The following CSMD1 variants were observed in gnomAD, a reference collection of about 807,000 sequenced individuals.
The protein encoded by CSMD1 is CUB and sushi domain-containing protein 1.
CSMD1 carries 213 observed loss-of-function variants against 417.5 expected under a neutral mutation model. The ratio of observed to expected loss-of-function variants is 0.51; its 90% CI spans 0.46 to 0.57. CSMD1 has a LOEUF of 0.57. Among genes scored for constraint, CSMD1 ranks in the 20% least tolerant of loss-of-function variants. The probability of loss-of-function intolerance (pLI) is 0.00; values close to 1 mark genes in which losing one functional copy is unlikely to be tolerated. For synonymous variants in CSMD1, 2,862 were observed against 1,736.8 expected (o/e 1.65, Z -16.11); for missense variants, 6,923 against 4,529.7 (o/e 1.53, Z -15.17).
intron 20 of CSMD1, among the ~76,000 whole-genome samples, chr8:3,359,732 G>C (rs185776253): frequency 3.8e-4 from 58 of 152,180 alleles, no homozygotes; most frequent in African/African-American, 1.1e-3. Context: ...TTTCAAAATA[G>C]CTCAAAGGCA....
At chr8:4,823,756 T>TGTG (rs1037850317) in intron 1 of CSMD1, among the ~76,000 whole-genome samples, 9 of 151,948 alleles carry the variant, frequency 5.9e-5, no homozygotes, top group African/African-American at 2.2e-4. Context: ...ACTTAGCCAG[T>TGTG]GTGGTGGTGG....
chr8:4,726,503 T>G (rs1255668023), intron 1 of CSMD1, among the ~76,000 whole-genome samples: 4 of 152,142 alleles, frequency 2.6e-5, no homozygotes, highest in Non-Finnish European at 5.9e-5. Context: ...AAATAAGACC[T>G]CAATGGACAG....
chr8:4,984,802 C>T (rs556775950), intron 1 of CSMD1, among the ~76,000 whole-genome samples: 73 of 152,306 alleles, frequency 4.8e-4, no homozygotes, highest in African/African-American at 1.7e-3. Flanking sequence ...GAAACCCATA[C>T]TTAGTGTCCT....
At chr8:2,966,267 G>A (rs1483221997) in intron 58 of CSMD1, among the ~76,000 whole-genome samples, 1 of 152,124 alleles carries the variant, frequency 6.6e-6, no homozygotes, top group East Asian at 1.9e-4. Context: ...GAGAACCAAA[G>A]ACATTTCTTC....
intron 30 of CSMD1, among the ~76,000 whole-genome samples, chr8:3,208,127 A>G (rs983732674): frequency 6.6e-6 from 1 of 152,236 alleles, no homozygotes; most frequent in Non-Finnish European, 1.5e-5. Flanking sequence ...GCTCAGTCAC[A>G]TACAATTCAA....
intron 6 of CSMD1, among the ~76,000 whole-genome samples, chr8:3,742,765 G>A (rs1249438564): frequency 2.0e-5 from 3 of 151,880 alleles, no homozygotes; most frequent in African/African-American, 4.8e-5. Flanking sequence ...AAAACGAAAC[G>A]AAACAAAAAC....
intron 3 of CSMD1, among the ~76,000 whole-genome samples, chr8:4,373,850 A>G (rs533012648): frequency 2.6e-5 from 4 of 152,300 alleles, no homozygotes; most frequent in South Asian, 2.1e-4. Flanking sequence ...TTTTCTATGT[A>G]TATGTATAAT....
At chr8:3,088,839 C>G (rs1175963856) in intron 48 of CSMD1, among the ~76,000 whole-genome samples, 1 of 78,948 alleles carries the variant, frequency 1.3e-5, no homozygotes, top group African/African-American at 5.9e-5. Flanking sequence ...AATCACTGTG[C>G]TAGTAAAAAA....
chr8:4,531,385 T>C (rs530178883), intron 2 of CSMD1, among the ~76,000 whole-genome samples: 1 of 152,312 alleles, frequency 6.6e-6, no homozygotes, highest in Admixed American at 6.5e-5. Flanking sequence ...GGAAAAAGTC[T>C]TGAAGTCAGA....
At chr8:4,965,348 T>C (rs1250012427) in intron 1 of CSMD1, among the ~76,000 whole-genome samples, 1 of 152,224 alleles carries the variant, frequency 6.6e-6, no homozygotes, top group Non-Finnish European at 1.5e-5. Context: ...GTCAAACCTG[T>C]TTATTTAAAG....
chr8:3,758,647 C>T (rs528466471), intron 5 of CSMD1, among the ~76,000 whole-genome samples: 9 of 152,262 alleles, frequency 5.9e-5, no homozygotes, highest in African/African-American at 2.2e-4. Context: ...TCTCTAACAA[C>T]TTGGTGTTTC....
At chr8:4,055,804 A>T (rs1798660396) in intron 3 of CSMD1, among the ~76,000 whole-genome samples, 1 of 152,090 alleles carries the variant, frequency 6.6e-6, no homozygotes, top group East Asian at 1.9e-4. Flanking sequence ...CAAATGACTA[A>T]CACTGAAGCA....
intron 3 of CSMD1, among the ~76,000 whole-genome samples, chr8:4,065,774 C>T (rs1799214254): frequency 6.6e-6 from 1 of 152,172 alleles, no homozygotes; most frequent in African/African-American, 2.4e-5. Flanking sequence ...TGGGGAACTA[C>T]AGCAAATAAG....
At chr8:4,389,489 G>A (rs140045276) in intron 3 of CSMD1, among the ~76,000 whole-genome samples, 32 of 151,958 alleles carry the variant, frequency 2.1e-4, no homozygotes, top group African/African-American at 7.2e-4. Context: ...TCTCAGAAAT[G>A]TAAAAGAAAA....
At chr8:4,172,481 T>C (rs558079216) in intron 3 of CSMD1, among the ~76,000 whole-genome samples, 1 of 152,002 alleles carries the variant, frequency 6.6e-6, no homozygotes, top group East Asian at 1.9e-4. Flanking sequence ...CTTATTCACA[T>C]GACAATTAAA....
intron 3 of CSMD1, among the ~76,000 whole-genome samples, chr8:4,053,335 C>T (rs1427547397): frequency 1.3e-5 from 2 of 152,066 alleles, no homozygotes; most frequent in African/African-American, 2.4e-5. Flanking sequence ...TCAGACTGAC[C>T]TTTAGTTAGT....
At chr8:3,284,107 A>C (rs767623728) in intron 26 of CSMD1, 37 bp downstream of exon 26, 5 of 1,458,560 alleles carry the variant, frequency 3.4e-6, no homozygotes, top group Non-Finnish European at 4.7e-6. Context: ...CAAGACTTTG[A>C]TATCAAGGTA....
rs4341189 is a variant in CSMD1 at position 4,165,174 on chromosome 8, G to T, written c.416-133075C>A. ...CTCCACTGCTTAATATGATACCTAC[G>T]CCTAGCCAGTAACTATCAGCAACCC... is the stretch of plus-strand genomic sequence containing the variant. On this transcript the variant is annotated intron_variant, in intron 3 of 69. Coordinates refer to ENST00000635120, the MANE Select transcript of CSMD1 (RefSeq NM_033225.6). Among the ~76,000 whole-genome samples the T allele has an allele frequency of 2.0e-5, 3 of 152,012 alleles. No homozygotes were observed. The East Asian group carries it at 5.8e-4, about 30-fold the overall frequency.
At position 3,290,806 on chromosome 8, in the gene CSMD1, A is replaced by G. The variant is rs539294382; in HGVS notation, c.3951-6460T>C. 4.4e-4 allele frequency among the ~76,000 whole-genome samples: 66 copies of G among 148,584 alleles called. 1 individual carries two copies. Among genetic ancestry groups the G allele is most frequent in the South Asian group, 1.5e-3 (7 of 4,814 alleles). ...TTTGACTTCCTCTTTTCCTAATTGA[A>G]TACTCTTTATTTCTTTCTCGTGCCT... is the stretch of plus-strand genomic sequence containing the variant. On this transcript the variant is annotated intron_variant, in intron 25 of 69. Transcript: ENST00000635120.
Sources: allele counts gnomAD v4.1 joint callset (sites outside exome capture counted in the v4.1 genomes callset), GRCh38; gene constraint gnomAD v4.1.1; transcripts MANE v1.5; gene names NCBI Gene and HGNC (gene_info 2026-07-23, HGNC 2026-07-21).